The following RAB11FIP2 variants were observed in gnomAD, a reference collection of about 807,000 sequenced individuals.
RAB11FIP2 encodes RAB11 family interacting protein 2.
RAB11FIP2 carries 16 observed loss-of-function variants against 40.9 expected under a neutral mutation model. The ratio of observed to expected loss-of-function variants is 0.39; its 90% CI spans 0.26 to 0.59. RAB11FIP2 has a LOEUF of 0.59. Ranked by LOEUF, RAB11FIP2 falls within the 20% of genes least tolerant of loss-of-function variation. RAB11FIP2 has a pLI of 0.53. For missense variants in RAB11FIP2, 532 were observed against 606.2 expected (o/e 0.88, Z 1.28); for synonymous variants, 228 against 213.7 (o/e 1.07, Z -0.58).
chr10:118,015,111 CTAA>C lies in RAB11FIP2; in HGVS notation c.1266-4_1266-2del, dbSNP rs1846202288. 6.2e-7 allele frequency: 1 copy of C among 1,604,596 alleles called. No individual in the cohort carries two copies. Among genetic ancestry groups the C allele is most frequent in the African/African-American group, 1.3e-5 (1 of 74,626 alleles). On this transcript the variant is annotated splice_acceptor_variant and splice_polypyrimidine_tract_variant and intron_variant, in intron 3 of 4. Coordinates refer to ENST00000355624, the MANE Select transcript of RAB11FIP2 (RefSeq NM_014904.3). LOFTEE classifies it high-confidence loss of function. ...ATTGCTTGTTGGACTCATATGAAAA[CTAA>C]TAAAACACAAACAAATGTTAAAAGT...
chr10:118,012,975 A>G (rs981052536), intron 4 of RAB11FIP2, among the ~76,000 whole-genome samples: 1 of 152,112 alleles, frequency 6.6e-6, no homozygotes, highest in African/African-American at 2.4e-5. Context: ...TACTACATGA[A>G]GTTTTCTAAC....
At chr10:118,019,492 T>C (rs1375611448) in intron 3 of RAB11FIP2, among the ~76,000 whole-genome samples, 1 of 151,810 alleles carries the variant, frequency 6.6e-6, no homozygotes, top group Non-Finnish European at 1.5e-5. Context: ...TTCCAAGGAG[T>C]GTGTCCTATT....
At chr10:118,013,687 A>C (rs1467113951) in intron 4 of RAB11FIP2, among the ~76,000 whole-genome samples, 1 of 152,104 alleles carries the variant, frequency 6.6e-6, no homozygotes, top group African/African-American at 2.4e-5. Flanking sequence ...CATTTAGAAT[A>C]GTTAGTATTC....
intron 1 of RAB11FIP2, among the ~76,000 whole-genome samples, chr10:118,041,238 G>T (rs1249154834): frequency 6.6e-6 from 1 of 151,284 alleles, no homozygotes; most frequent in Non-Finnish European, 1.5e-5. Context: ...TAAATCTTGT[G>T]AAGTTTTCAA....
chr10:118,012,006 A>T (rs185742124), intron 4 of RAB11FIP2, among the ~76,000 whole-genome samples: 1 of 152,146 alleles, frequency 6.6e-6, no homozygotes, highest in East Asian at 1.9e-4. Flanking sequence ...TGTTATATTT[A>T]ACACTATTAC....
At chr10:118,014,574 G>C (rs11198230) in intron 4 of RAB11FIP2, among the ~76,000 whole-genome samples, 2,002 of 152,134 alleles carry the variant, frequency 0.013, 48 homozygotes, top group African/African-American at 0.046. Flanking sequence ...TTGTTCTGAC[G>C]AGAAAGATAA....
At position 118,007,183 on chromosome 10, in the gene RAB11FIP2, C is replaced by G. The variant is rs11198227; in HGVS notation, c.*1815G>C. On this transcript the variant is annotated 3_prime_UTR_variant, in exon 5 of 5. Coordinates refer to ENST00000355624, the MANE Select transcript of RAB11FIP2 (RefSeq NM_014904.3). ...ACCATGTTTAAAAAAAAAAAAAAAA[C>G]TACCAAGACCTCAAACGGGAAAATA... 0.013 allele frequency: 1,888 copies of G among 145,672 alleles called. 17 individuals carry two copies. Among genetic ancestry groups the G allele is most frequent in the Non-Finnish European group, 0.019 (1,280 of 65,932 alleles). 9.0% of individuals were successfully genotyped at this position (145,672 alleles called of 1,614,324 possible).
chr10:118,027,095 T>G (rs976191440), intron 3 of RAB11FIP2, among the ~76,000 whole-genome samples: 1 of 152,232 alleles, frequency 6.6e-6, no homozygotes, highest in Admixed American at 6.5e-5. Flanking sequence ...ATTAAGATCC[T>G]AGCAAGGGCT....
intron 3 of RAB11FIP2, among the ~76,000 whole-genome samples, chr10:118,021,361 C>A (rs1156716329): frequency 6.6e-6 from 1 of 152,156 alleles, no homozygotes; most frequent in Non-Finnish European, 1.5e-5. Flanking sequence ...AAATCTTATA[C>A]CATAAAATCT....
At chr10:118,031,037 C>T (rs1276293328) in intron 3 of RAB11FIP2, among the ~76,000 whole-genome samples, 1 of 152,050 alleles carries the variant, frequency 6.6e-6, no homozygotes, top group Non-Finnish European at 1.5e-5. Flanking sequence ...ATTAATGGGT[C>T]TAAAAATCAT....
intron 3 of RAB11FIP2, among the ~76,000 whole-genome samples, chr10:118,022,991 T>C (rs1325069111): frequency 6.6e-6 from 1 of 152,154 alleles, no homozygotes; most frequent in Non-Finnish European, 1.5e-5. Flanking sequence ...GATACATTAG[T>C]GGAGTGTTTT....
chr10:118,031,932 C>G (rs747947511), intron 3 of RAB11FIP2, among the ~76,000 whole-genome samples: 2 of 152,044 alleles, frequency 1.3e-5, no homozygotes, highest in Non-Finnish European at 2.9e-5. Context: ...AAACAAAATT[C>G]TCTGGTAAAA....
intron 2 of RAB11FIP2, chr10:118,039,709 GGTT>G (rs1314490591): frequency 2.5e-6 from 1 of 404,202 alleles, no homozygotes; most frequent in African/African-American, 2.1e-5. Flanking sequence ...TAGAGGTTCT[GGTT>G]GGCATGATAA....
Position 118,039,083 on chromosome 10 carries a change from T to C in RAB11FIP2, c.1154A>G (p.Asp385Gly). The C allele has an allele frequency of 6.2e-7, 1 of 1,613,674 alleles. No individual in the cohort carries two copies. The highest frequency in any genetic ancestry group is 8.5e-7 in the Non-Finnish European group (1 of 1,179,736). The change falls in exon 3 of 5, where the codon GAC becomes GGC. Residue 385 changes from aspartate (D) to glycine (G), a missense_variant. By Grantham distance (94) the Asp-to-Gly change is moderately conservative. Coordinates refer to ENST00000355624, the MANE Select transcript of RAB11FIP2 (RefSeq NM_014904.3). Reference protein sequence around the residue: ...LNNGGSDSPCDLKSPNAFSEN... With the variant: ...LNNGGSDSPCGLKSPNAFSEN... ...ACTAAATGCATTAGGTGATTTCAAG[T>C]CACAAGGGCTATCAGATCCCCCATT...
intron 3 of RAB11FIP2, among the ~76,000 whole-genome samples, chr10:118,020,506 G>A (rs1002711904): frequency 8.5e-5 from 13 of 152,156 alleles, no homozygotes; most frequent in Middle Eastern, 6.3e-3. Context: ...CTTGCCCACT[G>A]GCTTATTATG....
chr10:118,005,991 T>C lies in RAB11FIP2; in HGVS notation c.*3007A>G, dbSNP rs1401259564. 6.6e-6 allele frequency: 1 copy of C among 152,616 alleles called. No individual in the cohort carries two copies. Among genetic ancestry groups the C allele is most frequent in the Admixed American group, 6.5e-5 (1 of 15,268 alleles). 9.5% of individuals were successfully genotyped at this position (152,616 alleles called of 1,614,324 possible). On this transcript the variant is annotated 3_prime_UTR_variant, in exon 5 of 5. Transcript: ENST00000355624. Reference sequence around the variant, plus strand: ...GATTTACCACCAAAAGCAATAGATGTAGTTATGTATAATCTATAGATAATA... The same window carrying C: ...GATTTACCACCAAAAGCAATAGATGCAGTTATGTATAATCTATAGATAATA...
At chr10:118,023,309 T>C (rs1846303495) in intron 3 of RAB11FIP2, among the ~76,000 whole-genome samples, 1 of 152,228 alleles carries the variant, frequency 6.6e-6, no homozygotes, top group Admixed American at 6.5e-5. Flanking sequence ...ACTAAAGAGA[T>C]TTCATTGGAA....
chr10:118,022,397 CAA>C (rs893471654), intron 3 of RAB11FIP2, among the ~76,000 whole-genome samples: 1 of 152,148 alleles, frequency 6.6e-6, no homozygotes, highest in Non-Finnish European at 1.5e-5. Flanking sequence ...ATTCGTCTGT[CAA>C]AAAACTTTTG....
chr10:118,019,124 T>A (rs1187385922), intron 3 of RAB11FIP2, among the ~76,000 whole-genome samples: 1 of 152,126 alleles, frequency 6.6e-6, no homozygotes, highest in Non-Finnish European at 1.5e-5. Context: ...GGATTTTAAA[T>A]CTTTCAATGA....
Sources: gnomAD v4.1 joint callset for allele counts (sites outside exome capture counted in the v4.1 genomes callset) on GRCh38, gnomAD v4.1.1 for gene constraint, MANE v1.5 for transcripts, NCBI Gene and HGNC (gene_info 2026-07-23, HGNC 2026-07-21) for gene names.